Variants in ATXN2 observed in about 807,000 individuals in gnomAD.
ATXN2 encodes the protein ataxin 2.
In ATXN2, 37 loss-of-function variants were observed where a neutral mutation model predicts 138.6. The observed-to-expected ratio is 0.27, with a 90% CI of 0.21 to 0.35. The LOEUF (loss-of-function observed/expected upper bound fraction) is 0.35. Among genes scored for constraint, ATXN2 ranks in the 10% least tolerant of loss-of-function variants. The probability of loss-of-function intolerance (pLI) is 1.00; values close to 1 mark genes in which losing one functional copy is unlikely to be tolerated. For synonymous variants in ATXN2, 549 were observed against 543.7 expected (o/e 1.01, Z -0.13); for missense variants, 1,216 against 1,480.3 (o/e 0.82, Z 2.93).
At chr12:111,586,800 C>T (rs539648967) in intron 1 of ATXN2, among the ~76,000 whole-genome samples, 6 of 152,042 alleles carry the variant, frequency 3.9e-5, no homozygotes, top group African/African-American at 1.4e-4. Context: ...GGATTACAAG[C>T]GTGAGCCACC....
At chr12:111,462,977 T>TAC (rs59710594) in intron 21 of ATXN2, among the ~76,000 whole-genome samples, 1,545 of 147,830 alleles carry the variant, frequency 0.01, 14 homozygotes, top group African/African-American at 0.023. Flanking sequence ...TATATATATA[T>TAC]ACACACACAC....
At chr12:111,571,208 A>G (rs1566071420) in intron 1 of ATXN2, among the ~76,000 whole-genome samples, 1 of 152,216 alleles carries the variant, frequency 6.6e-6, no homozygotes, top group Admixed American at 6.5e-5. Context: ...AAGACAAATC[A>G]TAATCTCAAA....
intron 1 of ATXN2, among the ~76,000 whole-genome samples, chr12:111,557,288 CTT>C (rs1053682580): frequency 6.6e-6 from 1 of 152,222 alleles, no homozygotes; most frequent in Non-Finnish European, 1.5e-5. Context: ...GAAGAGTACT[CTT>C]AACATTCTGA....
chr12:111,553,442 C>T (rs993771148), intron 3 of ATXN2, among the ~76,000 whole-genome samples: 1 of 151,194 alleles, frequency 6.6e-6, no homozygotes, highest in Non-Finnish European at 1.5e-5. Context: ...TTAAACTATC[C>T]CTAAATTACT....
At chr12:111,559,728 G>A (rs374761519) in intron 1 of ATXN2, among the ~76,000 whole-genome samples, 11 of 148,406 alleles carry the variant, frequency 7.4e-5, no homozygotes, top group Admixed American at 3.4e-4. Flanking sequence ...AGCCGAGATC[G>A]TGCCACTGCA....
chr12:111,527,863 C>G (rs1880585631), intron 5 of ATXN2, among the ~76,000 whole-genome samples: 1 of 152,222 alleles, frequency 6.6e-6, no homozygotes, highest in South Asian at 2.1e-4. Flanking sequence ...ACGTTCTTCT[C>G]TACATTATCT....
At chr12:111,553,604 A>AAAAAAAAAAAATTTTTTTTT (rs1882237738) in intron 3 of ATXN2, among the ~76,000 whole-genome samples, 1 of 85,004 alleles carries the variant, frequency 1.2e-5, no homozygotes, top group Non-Finnish European at 1.9e-5. Flanking sequence ...AAAAAAAAAA[A>AAAAAAAAAAAATTTTTTTTT]TTTTTTTTTT....
intron 1 of ATXN2, among the ~76,000 whole-genome samples, chr12:111,579,492 C>A (rs1304656017): frequency 6.6e-6 from 1 of 151,932 alleles, no homozygotes; most frequent in African/African-American, 2.4e-5. Flanking sequence ...AAACTCCCAA[C>A]CTTAGGTGAT....
At chr12:111,556,193 A>G (rs1015002399) in intron 1 of ATXN2, among the ~76,000 whole-genome samples, 1 of 152,178 alleles carries the variant, frequency 6.6e-6, no homozygotes, top group African/African-American at 2.4e-5. Flanking sequence ...GCCTACTGGA[A>G]GAAAAAAACT....
At chr12:111,582,445 A>C (rs1205813638) in intron 1 of ATXN2, among the ~76,000 whole-genome samples, 2 of 152,012 alleles carry the variant, frequency 1.3e-5, no homozygotes. Flanking sequence ...GTGTCTCAAA[A>C]AAAAAAAAAG....
chr12:111,569,384 C>T (rs1204701508), intron 1 of ATXN2, among the ~76,000 whole-genome samples: 1 of 152,008 alleles, frequency 6.6e-6, no homozygotes, highest in Non-Finnish European at 1.5e-5. Context: ...TTAATAACTG[C>T]TAGCTAATAT....
chr12:111,540,421 G>A (rs1047922082), intron 5 of ATXN2, among the ~76,000 whole-genome samples: 2 of 150,616 alleles, frequency 1.3e-5, no homozygotes, highest in Non-Finnish European at 3.0e-5. Flanking sequence ...GCAGTGTTAA[G>A]TGTTTTGCAA....
At chr12:111,506,017 A>G (rs1879083457) in intron 14 of ATXN2, among the ~76,000 whole-genome samples, 1 of 152,368 alleles carries the variant, frequency 6.6e-6, no homozygotes, top group South Asian at 2.1e-4. Flanking sequence ...TCACAAAAAG[A>G]AATGAAGTAC....
intron 14 of ATXN2, among the ~76,000 whole-genome samples, chr12:111,509,246 TCTA>T (rs1201502020): frequency 6.6e-6 from 1 of 152,202 alleles, no homozygotes; most frequent in Non-Finnish European, 1.5e-5. Context: ...TTGGCCTTGC[TCTA>T]CTAATATCTA....
At chr12:111,483,168 C>A (rs1877369582) in intron 18 of ATXN2, among the ~76,000 whole-genome samples, 1 of 144,514 alleles carries the variant, frequency 6.9e-6, no homozygotes, top group Admixed American at 7.1e-5. Context: ...GCCTCAGCAG[C>A]AAAGCAAGAC....
At chr12:111,590,912 G>A (rs755438445) in intron 1 of ATXN2, among the ~76,000 whole-genome samples, 14 of 150,792 alleles carry the variant, frequency 9.3e-5, no homozygotes, top group East Asian at 1.9e-4. Context: ...TTTTTTAGAC[G>A]GAGTCTCACT....
At chr12:111,564,517 C>G (rs1170802184) in intron 1 of ATXN2, among the ~76,000 whole-genome samples, 3 of 151,042 alleles carry the variant, frequency 2.0e-5, no homozygotes, top group Non-Finnish European at 4.4e-5. Flanking sequence ...AACAGAGAAG[C>G]TATATGGCCC....
chr12:111,492,421 C>T lies in ATXN2; in HGVS notation c.1936-3641G>A, dbSNP rs866478660. ...AATGGGAGCCGGATGCAGTGGCTAA[C>T]GCCTGTAATCCCAACACTCTGAGAG... is the stretch of plus-strand genomic sequence containing the variant. On this transcript the variant is annotated intron_variant, in intron 14 of 24. Transcript: ENST00000673436. Among the ~76,000 whole-genome samples the T allele has an allele frequency of 3.3e-4, 50 of 152,320 alleles. No individual in the cohort carries two copies. In the Middle Eastern group the frequency reaches 0.017, roughly 52 times the overall value.
chr12:111,598,774 C>T lies in ATXN2; in HGVS notation c.251+10G>A. On this transcript the variant is annotated intron_variant, in intron 1 of 24. Transcript: ENST00000673436. The surrounding 1 kb of genome is among the most constrained non-coding windows in gnomAD (Gnocchi z 4.5). ...CCCGGAGCGGAGGGGGCTGGGGTGC[C>T]GACACCCACCTGCCCAGGCCGGGCC... is the stretch of plus-strand genomic sequence containing the variant. 1.5e-6 allele frequency: 2 copies of T among 1,301,676 alleles called. No individual in the cohort carries two copies. The highest frequency in any genetic ancestry group is 1.9e-6 in the Non-Finnish European group (2 of 1,029,004). 80.6% of individuals were successfully genotyped at this position (1,301,676 alleles called of 1,614,324 possible).
Sources: gnomAD v4.1 joint callset for allele counts (sites outside exome capture counted in the v4.1 genomes callset) on GRCh38, gnomAD v4.1.1 for gene constraint, Gnocchi (gnomAD v3.1) non-coding constraint, MANE v1.5 for transcripts, NCBI Gene and HGNC (gene_info 2026-07-23, HGNC 2026-07-21) for gene names.